TMEM248: variants seen among roughly 807,000 people sequenced by gnomAD.
TMEM248 encodes the protein UPF0458 protein C7orf42.
A neutral mutation model predicts 30.3 loss-of-function variants in TMEM248; 9 were observed. That is an observed-to-expected ratio of 0.30 (90% CI 0.18 to 0.52). TMEM248 has a LOEUF of 0.52. Ranked by LOEUF, TMEM248 falls within the 20% of genes least tolerant of loss-of-function variation. The pLI, the probability that TMEM248 is intolerant of heterozygous loss-of-function variation, is 0.97. For missense variants in TMEM248, 338 were observed against 403.3 expected, an observed-to-expected ratio of 0.84 and a Z score of 1.39; for synonymous variants, 184 against 154.4, an observed-to-expected ratio of 1.19 and a Z score of -1.42.
chr7:66,952,744 G>A (rs1040748952), intron 5 of TMEM248, among the ~76,000 whole-genome samples: 1 of 152,222 alleles, frequency 6.6e-6, no homozygotes, highest in Non-Finnish European at 1.5e-5. Context: ...ATAGAGAAAA[G>A]CAGGAGGAAG....
chr7:66,953,564 T>C (rs1362441690), intron 6 of TMEM248, among the ~76,000 whole-genome samples, 195 bp downstream of exon 6: 2 of 152,224 alleles, frequency 1.3e-5, no homozygotes, highest in Admixed American at 6.5e-5. Flanking sequence ...AAATCCCTTC[T>C]GTAAAATGGT....
chr7:66,947,835 T>C (rs1311851456), intron 3 of TMEM248, among the ~76,000 whole-genome samples: 1 of 152,140 alleles, frequency 6.6e-6, no homozygotes. Context: ...TGATCATAGC[T>C]CACTGCAGCC....
intron 1 of TMEM248, among the ~76,000 whole-genome samples, chr7:66,928,454 C>A (rs1379193827): frequency 6.6e-6 from 1 of 152,100 alleles, no homozygotes; most frequent in Non-Finnish European, 1.5e-5. Flanking sequence ...CATTTATTTG[C>A]AGCATGACCT....
intron 1 of TMEM248, among the ~76,000 whole-genome samples, chr7:66,931,927 C>T (rs1791678240): frequency 6.7e-6 from 1 of 150,082 alleles, no homozygotes. Flanking sequence ...GCCTCAGCCT[C>T]TCAAGTAGCT....
intron 1 of TMEM248, among the ~76,000 whole-genome samples, chr7:66,922,439 G>T (rs550705560): frequency 1.3e-5 from 2 of 152,232 alleles, no homozygotes; most frequent in Non-Finnish European, 2.9e-5. Context: ...TTTTCATCTA[G>T]GGATTCTGAC....
chr7:66,924,816 T>C (rs2129219901), intron 1 of TMEM248, among the ~76,000 whole-genome samples: 1 of 152,124 alleles, frequency 6.6e-6, no homozygotes, highest in East Asian at 1.9e-4. Flanking sequence ...TTCAAACGAT[T>C]CTTCTGGCTC....
intron 1 of TMEM248, among the ~76,000 whole-genome samples, chr7:66,923,198 T>G (rs1357487535): frequency 6.6e-6 from 1 of 151,722 alleles, no homozygotes; most frequent in Non-Finnish European, 1.5e-5. Context: ...TAGGCTGGAG[T>G]GCAGTGGCGC....
intron 1 of TMEM248, among the ~76,000 whole-genome samples, chr7:66,933,567 T>C (rs1791722444): frequency 6.6e-6 from 1 of 152,210 alleles, no homozygotes. Context: ...TATAGCCAAG[T>C]TGGTTTCCAG....
At chr7:66,924,856 C>T (rs572217757) in intron 1 of TMEM248, among the ~76,000 whole-genome samples, 30 of 151,882 alleles carry the variant, frequency 2.0e-4, no homozygotes, top group South Asian at 6.2e-4. Flanking sequence ...ACTACAGGCA[C>T]GCACCACCAC....
Position 66,948,663 on chromosome 7 carries a change from A to G in TMEM248, c.565A>G (p.Thr189Ala), listed in dbSNP as rs1792179976. 6.2e-7 allele frequency: 1 copy of G among 1,613,718 alleles called. No individual in the cohort carries two copies. Among genetic ancestry groups the G allele is most frequent in the African/African-American group, 1.3e-5 (1 of 74,906 alleles). ...GGTATTCACAGCCTGCATGACCCTC[A>G]CGGCCAGCCCTGGGGTGTTCCCCGT... Reference protein sequence around the residue: ...QVVFTACMTLTASPGVFPVTV... With the variant: ...QVVFTACMTLAASPGVFPVTV... Residue 189 changes from threonine to alanine, a missense_variant, in exon 4 of 7, where the codon ACG becomes GCG. Thr to Ala is a moderately conservative substitution (Grantham distance 58). Transcript: ENST00000341567.
Position 66,955,666 on chromosome 7 carries a change from C to T in TMEM248, c.*144C>T. The T allele has an allele frequency of 3.1e-6, 3 of 964,382 alleles. No individual in the cohort carries two copies. The highest frequency in any genetic ancestry group is 3.2e-5 in the South Asian group (2 of 63,142). 59.7% of individuals were successfully genotyped at this position (964,382 alleles called of 1,614,324 possible). ...CCAAAGACATTTCAAGTGCCTGTAA[C>T]TGATTTGTACATATTTATAAAAATC... On this transcript the variant is annotated 3_prime_UTR_variant, in exon 7 of 7. Coordinates refer to ENST00000341567, the MANE Select transcript of TMEM248 (RefSeq NM_017994.5).
intron 1 of TMEM248, among the ~76,000 whole-genome samples, chr7:66,935,912 T>A (rs1383928676): frequency 6.6e-6 from 1 of 152,202 alleles, no homozygotes; most frequent in Non-Finnish European, 1.5e-5. Flanking sequence ...TAGGTTGTTT[T>A]TGTGTCCTGC....
At chr7:66,937,820 C>T (rs2129222948) in intron 1 of TMEM248, among the ~76,000 whole-genome samples, 1 of 152,298 alleles carries the variant, frequency 6.6e-6, no homozygotes, top group East Asian at 1.9e-4. Context: ...AAGTGATCCT[C>T]CTGCCTCAGT....
intron 3 of TMEM248, 21 bp downstream of exon 3, chr7:66,945,282 AC>A (rs1792068185): frequency 6.2e-7 from 1 of 1,605,522 alleles, no homozygotes; most frequent in East Asian, 2.2e-5. Flanking sequence ...GCCACTCTCC[AC>A]TCAGGCTCCT....
At chr7:66,951,666 T>C (rs1369330902) in intron 5 of TMEM248, among the ~76,000 whole-genome samples, 1 of 151,452 alleles carries the variant, frequency 6.6e-6, no homozygotes, top group Non-Finnish European at 1.5e-5. Flanking sequence ...CTCAGCTTCC[T>C]ACTTAGACTT....
intron 1 of TMEM248, among the ~76,000 whole-genome samples, chr7:66,927,242 A>G (rs1465189211): frequency 1.3e-5 from 2 of 152,098 alleles, no homozygotes; most frequent in East Asian, 3.9e-4. Context: ...TTGAAAATGG[A>G]ACGATGCATT....
chr7:66,956,459 T>G lies in TMEM248; in HGVS notation c.*937T>G, dbSNP rs4718428. ...GTATGGAAAGAAAGAATAATGATTC[T>G]ATCTAATAGGAAAGGATTTCTTCTT... On this transcript the variant is annotated 3_prime_UTR_variant, in exon 7 of 7. Transcript: ENST00000341567. 56,618 of 144,468 alleles carry G rather than the reference T, an allele frequency of 0.39. 11,114 individuals are homozygous for G. The highest frequency in any genetic ancestry group is 0.71 in the East Asian group (3,676 of 5,162). The allele number at this position is 144,468 out of a possible 1,614,324, so 8.9% of individuals were successfully genotyped here. A position where few individuals can be genotyped will look rare whatever the true frequency, so the allele number is the denominator to read the frequency against.
intron 1 of TMEM248, among the ~76,000 whole-genome samples, chr7:66,930,381 A>G (rs1050224922): frequency 6.6e-6 from 1 of 152,166 alleles, no homozygotes; most frequent in African/African-American, 2.4e-5. Flanking sequence ...CCCAGCTGGA[A>G]CTTGGGAACA....
At position 66,931,036 on chromosome 7, in the gene TMEM248, T is replaced by C. The variant is rs1259426508; in HGVS notation, c.-19+9575T>C. Among the ~76,000 whole-genome samples, 5 of 152,072 alleles carry C rather than the reference T, an allele frequency of 3.3e-5. No individual in the cohort carries two copies. The South Asian group carries it at 6.2e-4, about 19-fold the overall frequency. ...ATGAATGGTGGGCCTGGTGTGGTGG[T>C]TTGTGCCTGGAATCCCAGCACTTTG... On this transcript the variant is annotated intron_variant, in intron 1 of 6. Transcript: ENST00000341567.
Sources: gnomAD v4.1 joint callset for allele counts (sites outside exome capture counted in the v4.1 genomes callset) on GRCh38, gnomAD v4.1.1 for gene constraint, MANE v1.5 for transcripts, NCBI Gene and HGNC (gene_info 2026-07-23, HGNC 2026-07-21) for gene names.